Variants in SLC25A12 observed in about 807,000 individuals in gnomAD.
SLC25A12 encodes solute carrier family 25 member 12.
Under a neutral mutation model 83.3 loss-of-function variants are expected in SLC25A12, and 32 were observed. The ratio of observed to expected loss-of-function variants is 0.38; its 90% CI spans 0.29 to 0.52. SLC25A12 has a LOEUF of 0.52. Ranked by LOEUF, SLC25A12 falls within the 20% of genes least tolerant of loss-of-function variation. The pLI, the probability that SLC25A12 is intolerant of heterozygous loss-of-function variation, is 0.84. For synonymous variants in SLC25A12, 267 were observed against 291.1 expected (o/e 0.92, Z 0.84); for missense variants, 611 against 835.6 (o/e 0.73, Z 3.31).
At chr2:171,889,173 A>G (rs1467409966) in intron 2 of SLC25A12, among the ~76,000 whole-genome samples, 1 of 152,080 alleles carries the variant, frequency 6.6e-6, no homozygotes, top group African/African-American at 2.4e-5. Context: ...TTCATCTACC[A>G]CCTGCACAAA....
chr2:171,874,843 G>C (rs1430490028), intron 2 of SLC25A12, among the ~76,000 whole-genome samples: 1 of 152,154 alleles, frequency 6.6e-6, no homozygotes, highest in Non-Finnish European at 1.5e-5. Flanking sequence ...GTATGAGGCA[G>C]GAGAACAGGG....
At position 171,784,631 on chromosome 2, in the gene SLC25A12, C is replaced by CAA. The variant is rs1441870169; in HGVS notation, c.*641_*642dup. ...ACAAATGGAAACACATCAGCACACA[C>CAA]AAGTCATTAGCCTGGTCCTCTGGCA... On this transcript the variant is annotated 3_prime_UTR_variant, in exon 18 of 18. Transcript: ENST00000422440. The CAA allele has an allele frequency of 6.2e-5, 10 of 162,382 alleles. No homozygotes were observed. Among genetic ancestry groups the CAA allele is most frequent in the Admixed American group, 2.3e-4 (4 of 17,338 alleles). 10.1% of individuals were successfully genotyped at this position (162,382 alleles called of 1,614,324 possible). A position where few individuals can be genotyped will look rare whatever the true frequency, so the allele number is the denominator to read the frequency against.
chr2:171,790,543 C>T (rs904914207), intron 15 of SLC25A12, among the ~76,000 whole-genome samples: 10 of 152,162 alleles, frequency 6.6e-5, no homozygotes, highest in Middle Eastern at 3.4e-3. Context: ...GTATCTTAGA[C>T]GACATGAAGG....
intron 2 of SLC25A12, among the ~76,000 whole-genome samples, chr2:171,877,204 T>C (rs558110340): frequency 4.5e-4 from 68 of 152,332 alleles, no homozygotes; most frequent in Non-Finnish European, 2.9e-4. Flanking sequence ...ATGTGTATCA[T>C]AATTACACTG....
intron 13 of SLC25A12, among the ~76,000 whole-genome samples, chr2:171,799,622 T>C (rs187568453): frequency 1.3e-5 from 2 of 152,292 alleles, no homozygotes; most frequent in Admixed American, 1.3e-4. Flanking sequence ...AGAAAAAGCA[T>C]GGGAGAGTTG....
intron 9 of SLC25A12, among the ~76,000 whole-genome samples, chr2:171,825,978 C>G (rs908471207): frequency 2.0e-5 from 3 of 152,144 alleles, no homozygotes; most frequent in South Asian, 4.1e-4. Flanking sequence ...TTTATAAAAA[C>G]CAAAAGTAAT....
intron 13 of SLC25A12, among the ~76,000 whole-genome samples, chr2:171,806,550 T>C (rs1432168310): frequency 2.0e-5 from 3 of 152,160 alleles, no homozygotes; most frequent in Non-Finnish European, 4.4e-5. Context: ...GATTTTCACT[T>C]CTAGGTCACT....
chr2:171,865,618 G>A (rs1573993305), intron 3 of SLC25A12, among the ~76,000 whole-genome samples: 1 of 151,898 alleles, frequency 6.6e-6, no homozygotes, highest in African/African-American at 2.4e-5. Flanking sequence ...CTGAGATCAT[G>A]CCACTGTACT....
chr2:171,842,151 T>G (rs763502637), intron 5 of SLC25A12, among the ~76,000 whole-genome samples: 30 of 152,034 alleles, frequency 2.0e-4, no homozygotes, highest in Non-Finnish European at 3.2e-4. Flanking sequence ...GATGAATGGA[T>G]AGACAAAATA....
At position 171,849,443 on chromosome 2, in the gene SLC25A12, C is replaced by T. The variant is rs1056728662; in HGVS notation, c.326-4935G>A. Among the ~76,000 whole-genome samples, 4 of 151,078 alleles carry T rather than the reference C, an allele frequency of 2.6e-5. No homozygotes were observed. The South Asian group carries it at 6.2e-4, about 24-fold the overall frequency. On this transcript the variant is annotated intron_variant, in intron 4 of 17. Coordinates refer to ENST00000422440, the MANE Select transcript of SLC25A12 (RefSeq NM_003705.5). ...AAATCTTCCTGATTTAATTTGAATACTCAGGTGAAGCTCTACTTCTTACCA... is the reference window on the plus strand; with the variant it reads ...AAATCTTCCTGATTTAATTTGAATATTCAGGTGAAGCTCTACTTCTTACCA...
chr2:171,888,708 G>T (rs888507905), intron 2 of SLC25A12, among the ~76,000 whole-genome samples: 2 of 152,010 alleles, frequency 1.3e-5, no homozygotes, highest in African/African-American at 4.8e-5. Context: ...CTCCCAAATT[G>T]CTGGGATTAC....
intron 3 of SLC25A12, among the ~76,000 whole-genome samples, chr2:171,858,297 G>A (rs1685085637): frequency 2.0e-5 from 3 of 152,026 alleles, no homozygotes; most frequent in African/African-American, 7.3e-5. Flanking sequence ...ATTTTCTATA[G>A]TGTATTTTTC....
chr2:171,854,994 C>T (rs899100329), intron 4 of SLC25A12, among the ~76,000 whole-genome samples: 1 of 152,158 alleles, frequency 6.6e-6, no homozygotes, highest in African/African-American at 2.4e-5. Context: ...CTTAATACTA[C>T]TAAACTGTAC....
intron 17 of SLC25A12, among the ~76,000 whole-genome samples, chr2:171,785,877 C>T (rs992307721): frequency 6.6e-6 from 1 of 152,056 alleles, no homozygotes; most frequent in African/African-American, 2.4e-5. Context: ...CTAAGGAATC[C>T]TTCTGCCTTG....
chr2:171,801,907 C>CTGTGTGTG lies in SLC25A12; in HGVS notation c.1305+7691_1305+7698dup, dbSNP rs3058854. On this transcript the variant is annotated intron_variant, in intron 13 of 17. Coordinates refer to ENST00000422440, the MANE Select transcript of SLC25A12 (RefSeq NM_003705.5). ...ATTGGAAGTCGAGGAATATCTGGATCTGTGTGTGTGTGTGTGTGTGTGTGT... is the reference window on the plus strand; with the variant it reads ...ATTGGAAGTCGAGGAATATCTGGATCTGTGTGTGTGTGTGTGTGTGTGTGTGTGTGTGT... 9.0e-4 allele frequency among the ~76,000 whole-genome samples: 131 copies of CTGTGTGTG among 145,494 alleles called. 1 individual carries two copies. The highest frequency in any genetic ancestry group is 3.2e-3 in the African/African-American group (125 of 39,240).
chr2:171,884,567 C>T (rs552855402), intron 2 of SLC25A12, among the ~76,000 whole-genome samples: 7 of 149,806 alleles, frequency 4.7e-5, no homozygotes, highest in South Asian at 4.3e-4. Flanking sequence ...GTCAGGAGTT[C>T]GAGACCAGCC....
At chr2:171,859,144 CA>C (rs1685099217) in intron 3 of SLC25A12, among the ~76,000 whole-genome samples, 1 of 152,034 alleles carries the variant, frequency 6.6e-6, no homozygotes, top group Admixed American at 6.6e-5. Context: ...AGTTGAAAAC[CA>C]GAAAGAGTAT....
intron 2 of SLC25A12, among the ~76,000 whole-genome samples, chr2:171,885,916 T>C (rs551434495): frequency 3.3e-5 from 5 of 152,218 alleles, no homozygotes; most frequent in Non-Finnish European, 2.9e-5. Flanking sequence ...TTAATACATA[T>C]ACATTGAGAC....
At chr2:171,786,192 G>T (rs1380716699) in intron 17 of SLC25A12, among the ~76,000 whole-genome samples, 1 of 151,260 alleles carries the variant, frequency 6.6e-6, no homozygotes, top group African/African-American at 2.4e-5. Context: ...TGGCTAACAC[G>T]GTGAGACCCC....
Sources: allele counts gnomAD v4.1 joint callset (sites outside exome capture counted in the v4.1 genomes callset), GRCh38; gene constraint gnomAD v4.1.1; transcripts MANE v1.5; gene names NCBI Gene and HGNC (gene_info 2026-07-23, HGNC 2026-07-21).